Variants in PEX5L observed in about 807,000 individuals in gnomAD.
The protein encoded by PEX5L is peroxisomal biogenesis factor 5 like.
Under a neutral mutation model 84.0 loss-of-function variants are expected in PEX5L, and 30 were observed. That is an observed-to-expected ratio of 0.36 (90% CI 0.27 to 0.48). The LOEUF is 0.48. Among genes scored for constraint, PEX5L ranks in the 20% least tolerant of loss-of-function variants. The probability of loss-of-function intolerance (pLI) is 0.99; values close to 1 mark genes in which losing one functional copy is unlikely to be tolerated. For missense variants in PEX5L, 533 were observed against 754.6 expected (o/e 0.71, Z 3.44); for synonymous variants, 270 against 283.1 (o/e 0.95, Z 0.46).
rs548734818 is a variant in PEX5L, at chr3:179,849,698, C to G, written c.822+9364G>C. Among the ~76,000 whole-genome samples, 10 of 152,318 alleles carry G rather than the reference C, an allele frequency of 6.6e-5. 1 individual carries two copies. Among genetic ancestry groups the G allele is most frequent in the African/African-American group, 2.4e-4 (10 of 41,586 alleles). ...TGTCCTGGACATGCCAATGGACAAACAGAAGCACAGAATAGTCTGTAACTC... is the reference window on the plus strand; with the variant it reads ...TGTCCTGGACATGCCAATGGACAAAGAGAAGCACAGAATAGTCTGTAACTC... On this transcript the variant is annotated intron_variant, in intron 8 of 14. Transcript: ENST00000467460.
At chr3:179,865,652 T>C (rs903744526) in intron 7 of PEX5L, among the ~76,000 whole-genome samples, 1 of 152,174 alleles carries the variant, frequency 6.6e-6, no homozygotes, top group Non-Finnish European at 1.5e-5. Context: ...GTTACACTTA[T>C]ACATTTGAGT....
chr3:180,026,798 C>T (rs1790995777), intron 1 of PEX5L, among the ~76,000 whole-genome samples: 1 of 152,082 alleles, frequency 6.6e-6, no homozygotes, highest in African/African-American at 2.4e-5. Flanking sequence ...AAGATAGAGA[C>T]CAAGGTGTCT....
chr3:179,941,348 T>A (rs1776038391), intron 2 of PEX5L, among the ~76,000 whole-genome samples: 2 of 152,200 alleles, frequency 1.3e-5, no homozygotes, highest in Non-Finnish European at 2.9e-5. Context: ...GCCCTTCCCC[T>A]CAGCTCAAAA....
chr3:179,977,532 C>G (rs1270773185), intron 1 of PEX5L, among the ~76,000 whole-genome samples: 1 of 152,070 alleles, frequency 6.6e-6, no homozygotes, highest in Admixed American at 6.6e-5. Context: ...AACACAGCCA[C>G]AGACTCATTT....
rs145879962 is a variant in PEX5L, at chr3:180,027,417, C to T, written c.21+9162G>A. 4.6e-3 allele frequency among the ~76,000 whole-genome samples: 704 copies of T among 152,276 alleles called. 4 individuals are homozygous for T. Among genetic ancestry groups the T allele is most frequent in the African/African-American group, 0.016 (672 of 41,538 alleles). On this transcript the variant is annotated intron_variant, in intron 1 of 14. Coordinates refer to ENST00000467460, the MANE Select transcript of PEX5L (RefSeq NM_016559.3). ...TACAATGGACTCCCATAAACCCTTT[C>T]CCCAGATTTAGCAGTTTTTAATATT...
intron 3 of PEX5L, among the ~76,000 whole-genome samples, chr3:179,892,951 T>C (rs1170215876): frequency 1.3e-5 from 2 of 152,196 alleles, no homozygotes; most frequent in African/African-American, 4.8e-5. Flanking sequence ...AAATCACAGA[T>C]TCAAATCTTG....
At chr3:180,013,004 T>C (rs977388926) in intron 1 of PEX5L, among the ~76,000 whole-genome samples, 1 of 152,176 alleles carries the variant, frequency 6.6e-6, no homozygotes, top group African/African-American at 2.4e-5. Flanking sequence ...CAGTCTTCCA[T>C]AAGAAACTGC....
intron 1 of PEX5L, among the ~76,000 whole-genome samples, chr3:179,980,580 G>A (rs1222010798): frequency 1.3e-5 from 2 of 152,078 alleles, no homozygotes; most frequent in Non-Finnish European, 2.9e-5. Context: ...GATAAGATGT[G>A]ACAATTTCTA....
At position 179,903,987 on chromosome 3, in the gene PEX5L, A is replaced by G. The variant is rs79604170; in HGVS notation, c.94-5741T>C. 1.7e-4 allele frequency among the ~76,000 whole-genome samples: 26 copies of G among 152,358 alleles called. 1 individual carries two copies. In the East Asian group the frequency reaches 5.0e-3, roughly 29 times the overall value. ...GCATGGACAGAATTTGCTTGTCTTA[A>G]ATAGAGATTCATATGTGGAATTTAC... On this transcript the variant is annotated intron_variant, in intron 2 of 14. Transcript: ENST00000467460.
chr3:179,870,095 G>A (rs1251574580), intron 7 of PEX5L, among the ~76,000 whole-genome samples: 1 of 152,128 alleles, frequency 6.6e-6, no homozygotes, highest in Non-Finnish European at 1.5e-5. Flanking sequence ...GCCAGGTTCT[G>A]GACAGAAATA....
At chr3:179,982,210 A>G (rs1214736100) in intron 1 of PEX5L, among the ~76,000 whole-genome samples, 1 of 152,140 alleles carries the variant, frequency 6.6e-6, no homozygotes. Flanking sequence ...CTCTCACTCA[A>G]TGTTATCCGC....
intron 2 of PEX5L, among the ~76,000 whole-genome samples, chr3:179,938,846 A>G (rs754534086): frequency 1.3e-5 from 2 of 152,178 alleles, no homozygotes; most frequent in Non-Finnish European, 2.9e-5. Context: ...AGGGTGTGAG[A>G]CCAGTGCTGG....
intron 8 of PEX5L, chr3:179,820,430 A>C (rs1436538571): frequency 1.3e-5 from 2 of 155,554 alleles, no homozygotes; most frequent in Non-Finnish European, 2.8e-5. Context: ...TGTGTCAAGC[A>C]CTGTGCCAGC....
intron 2 of PEX5L, among the ~76,000 whole-genome samples, chr3:179,908,094 T>C (rs1252269792): frequency 6.6e-6 from 1 of 152,220 alleles, no homozygotes; most frequent in Non-Finnish European, 1.5e-5. Context: ...ATTCTAAAAT[T>C]GTGGAATTGA....
rs77608845 is a variant in PEX5L, at chr3:179,914,289, C to T, written c.94-16043G>A. ...GGCTCTTCTTCCAACACTTCCTCCC[C>T]GACAGCACTACACTAGCCAGCTATA... On this transcript the variant is annotated intron_variant, in intron 2 of 14. Transcript: ENST00000467460. Among the ~76,000 whole-genome samples, 1,117 of 152,236 alleles carry T rather than the reference C, an allele frequency of 7.3e-3. 11 individuals are homozygous for T. Among genetic ancestry groups the T allele is most frequent in the African/African-American group, 0.025 (1,042 of 41,550 alleles).
At chr3:179,851,059 T>C (rs7651639) in intron 8 of PEX5L, among the ~76,000 whole-genome samples, 69,485 of 152,092 alleles carry the variant, frequency 0.46, 16,745 homozygotes, top group East Asian at 0.72. Context: ...AAAATTTCTA[T>C]ATGGAAAGCA....
At chr3:179,955,677 T>A (rs1028576774) in intron 2 of PEX5L, among the ~76,000 whole-genome samples, 4 of 152,210 alleles carry the variant, frequency 2.6e-5, no homozygotes, top group African/African-American at 7.2e-5. Context: ...AAAAATAGAA[T>A]CTATAGTGAT....
At chr3:180,007,784 C>T (rs1256010813) in intron 1 of PEX5L, among the ~76,000 whole-genome samples, 2 of 152,350 alleles carry the variant, frequency 1.3e-5, no homozygotes, top group East Asian at 3.9e-4. Flanking sequence ...GTACATTGAC[C>T]TCTTCCAGCC....
intron 14 of PEX5L, among the ~76,000 whole-genome samples, chr3:179,802,532 C>CAAAAAAAAAAAAA (rs369244711): frequency 8.1e-5 from 6 of 73,880 alleles, no homozygotes; most frequent in African/African-American, 1.3e-4. Context: ...GAGACTGTCT[C>CAAAAAAAAAAAAA]AAAAAAAAAA....
Sources: allele counts gnomAD v4.1 joint callset (sites outside exome capture counted in the v4.1 genomes callset), GRCh38; gene constraint gnomAD v4.1.1; transcripts MANE v1.5; gene names NCBI Gene and HGNC (gene_info 2026-07-23, HGNC 2026-07-21).